Variants in SNX19 observed in about 807,000 individuals in gnomAD.
SNX19 encodes sorting nexin-19.
A neutral mutation model predicts 85.2 loss-of-function variants in SNX19; 60 were observed. The ratio of observed to expected loss-of-function variants is 0.70; its 90% confidence interval spans 0.57 to 0.87. The LOEUF is 0.87. Among genes scored for constraint, SNX19 ranks in the 40% least tolerant of loss-of-function variants. The pLI, the probability that SNX19 is intolerant of heterozygous loss-of-function variation, is 0.00. For missense variants in SNX19, 1,201 were observed against 1,217.8 expected, an observed-to-expected ratio of 0.99 and a Z score of 0.21; for synonymous variants, 520 against 470.0, an observed-to-expected ratio of 1.11 and a Z score of -1.38.
chr11:130,902,643 T>C (rs1171715921), intron 8 of SNX19, among the ~76,000 whole-genome samples: 1 of 152,198 alleles, frequency 6.6e-6, no homozygotes, highest in Non-Finnish European at 1.5e-5. Context: ...AGTTCCATAG[T>C]TAGAAAGTCA....
Position 130,878,490 on chromosome 11 carries a change from C to T in SNX19, c.2911G>A (p.Glu971Lys), listed in dbSNP as rs1229429245. 1 of 1,613,788 alleles carries T rather than the reference C, an allele frequency of 6.2e-7. No homozygotes were observed. The highest frequency in any genetic ancestry group is 8.5e-7 in the Non-Finnish European group (1 of 1,179,920). ...GAGGCAGAGGTGGTAGCAGCAGACT[C>T]CTCAACAGAGGCACTGAGATCCAAG... is the stretch of plus-strand genomic sequence containing the variant. ...EFLDLSASVEESAATTSASDT... is the reference protein window; with the variant it reads ...EFLDLSASVEKSAATTSASDT... Residue 971 changes from glutamate to lysine, a missense_variant, in exon 11 of 11, where the codon GAG becomes AAG. Around this residue, in one of 3 missense-constraint regions of SNX19, gnomAD observed 285 missense variants for 295.3 expected, o/e 0.97. Coordinates refer to ENST00000265909, the MANE Select transcript of SNX19 (RefSeq NM_014758.3).
Position 130,867,090 on chromosome 11 carries a change from C to G in SNX19, c.*11332G>C, listed in dbSNP as rs537937435. On this transcript the variant is annotated 3_prime_UTR_variant, in exon 11 of 11. Coordinates refer to ENST00000265909, the MANE Select transcript of SNX19 (RefSeq NM_014758.3). ...CTGCCTGGTTGGTTGTCGGCATAAC[C>G]CATGTTCTTAATCCCCGTGCTGCTG... 1.3e-5 allele frequency: 2 copies of G among 152,326 alleles called. No homozygotes were observed. The highest frequency in any genetic ancestry group is 4.8e-5 in the African/African-American group (2 of 41,558). 9.4% of individuals were successfully genotyped at this position (152,326 alleles called of 1,614,324 possible).
intron 10 of SNX19, among the ~76,000 whole-genome samples, chr11:130,879,420 C>T (rs531687628): frequency 5.3e-5 from 8 of 151,162 alleles, no homozygotes; most frequent in South Asian, 2.1e-4. Flanking sequence ...TAGCACATGA[C>T]GACCTGCTCA....
chr11:130,913,251 G>A (rs1332992100), intron 1 of SNX19, among the ~76,000 whole-genome samples: 2 of 152,138 alleles, frequency 1.3e-5, no homozygotes, highest in Non-Finnish European at 2.9e-5. Flanking sequence ...TGGCATAGGG[G>A]CATCCAGAAT....
At chr11:130,895,247 GAA>G (rs1407359946) in intron 8 of SNX19, 5 of 985,206 alleles carry the variant, frequency 5.1e-6, no homozygotes, top group Non-Finnish European at 6.0e-6. Flanking sequence ...CTGGGAATCA[GAA>G]TTCCCCAATT....
chr11:130,908,069 G>A lies in SNX19; in HGVS notation c.2049C>T (p.Ala683=). The change falls in exon 5 of 11, where the codon GCC becomes GCT. Residue 683 remains alanine (A), a synonymous_variant. Transcript: ENST00000265909. ...VSRIDKMVVS[A]IVDTLKTAFP... The stretch of plus-strand genomic sequence containing the variant: ...ACGCTGTCTTCAAGGTGTCCACAAT[G>A]GCACTCACCACCATCTGCAGGGGTC... 2 of 1,614,060 alleles carry A rather than the reference G, an allele frequency of 1.2e-6. No homozygotes were observed. Among genetic ancestry groups the A allele is most frequent in the Non-Finnish European group, 1.7e-6 (2 of 1,180,012 alleles).
At chr11:130,893,969 A>C in intron 8 of SNX19, 1 of 593,038 alleles carries the variant, frequency 1.7e-6, no homozygotes, top group South Asian at 2.0e-5. Context: ...ATCAAAAGTA[A>C]GCAATAACAT....
chr11:130,872,670 C>A lies in SNX19; in HGVS notation c.*5752G>T, dbSNP rs1943075044. 6.6e-6 allele frequency among the ~76,000 whole-genome samples: 1 copy of A among 152,148 alleles called. No homozygotes were observed. The highest frequency in any genetic ancestry group is 2.1e-4 in the South Asian group (1 of 4,830). The stretch of plus-strand genomic sequence containing the variant: ...TCTACAAAGGCAGGGTGAGCGACTG[C>A]TGCCCTGTGATTTCTGGCACTCCCA... On this transcript the variant is annotated 3_prime_UTR_variant, in exon 11 of 11. Transcript: ENST00000265909.
intron 8 of SNX19, among the ~76,000 whole-genome samples, chr11:130,884,861 G>T (rs1471722112): frequency 8.4e-6 from 1 of 118,656 alleles, no homozygotes; most frequent in African/African-American, 3.3e-5. Context: ...GACAGAGGGA[G>T]ACTCCATCTC....
In SNX19 at chr11:130,870,928, C is replaced by T. The variant is rs1195776311; in HGVS notation, c.*7494G>A. Among the ~76,000 whole-genome samples the T allele has an allele frequency of 6.6e-6, 1 of 152,042 alleles. No individual in the cohort carries two copies. Among genetic ancestry groups the T allele is most frequent in the Non-Finnish European group, 1.5e-5 (1 of 68,024 alleles). ...TTACTGAGGACTTCATATACATGCA[C>T]ATTGACTAGAGAGGCAGTGTAAATA... On this transcript the variant is annotated 3_prime_UTR_variant, in exon 11 of 11. Transcript: ENST00000265909.
chr11:130,880,540 G>A lies in SNX19; in HGVS notation c.2758+82C>T, dbSNP rs1943582083. ...CACATTCAGGGCCCTTTTACAAACA[G>A]GAAAAGGTGCAGGGGTAATGGTGGC... is the stretch of plus-strand genomic sequence containing the variant. On this transcript the variant is annotated intron_variant, in intron 9 of 10. Transcript: ENST00000265909. 2.3e-6 allele frequency: 3 copies of A among 1,298,764 alleles called. 1 individual carries two copies. The highest frequency in any genetic ancestry group is 4.4e-5 in the Admixed American group (2 of 45,860). 80.5% of individuals were successfully genotyped at this position (1,298,764 alleles called of 1,614,324 possible). A position where few individuals can be genotyped will look rare whatever the true frequency, so the allele number is the denominator to read the frequency against.
intron 8 of SNX19, among the ~76,000 whole-genome samples, chr11:130,895,996 A>G (rs1379883334): frequency 6.6e-6 from 1 of 152,252 alleles, no homozygotes; most frequent in African/African-American, 2.4e-5. Context: ...TGGGACAAGC[A>G]GTACTCCTTC....
chr11:130,907,897 T>A, intron 5 of SNX19, 56 bp downstream of exon 5: 1 of 1,603,014 alleles, frequency 6.2e-7, no homozygotes, highest in Non-Finnish European at 8.5e-7. Context: ...TGGCTGAGGA[T>A]TGGGGATCAA....
At position 130,878,321 on chromosome 11, in the gene SNX19, T is replaced by G. The variant is rs1429554359; in HGVS notation, c.*101A>C. 11 of 1,372,622 alleles carry G rather than the reference T, an allele frequency of 8.0e-6. No individual in the cohort carries two copies. The Admixed American group carries it at 2.2e-4, about 28-fold the overall frequency. 85.0% of individuals were successfully genotyped at this position (1,372,622 alleles called of 1,614,324 possible). ...TGAGCCACCGAGAACCTAGGCCTTC[T>G]TAGCTGTAGCCTACTTGAAGAGGGC... is the stretch of plus-strand genomic sequence containing the variant. On this transcript the variant is annotated 3_prime_UTR_variant, in exon 11 of 11. Transcript: ENST00000265909.
Position 130,903,310 on chromosome 11 carries a change from A to G in SNX19, c.2518T>C (p.Cys840Arg), listed in dbSNP as rs751473637. ...LLLTEQWKWL[C>R]TENMQKFLRL... ...AGAAACTTTTGCATGTTTTCGGTACATAGCCATTTCCACTGTTCTGTTAGT... is the reference window on the plus strand; with the variant it reads ...AGAAACTTTTGCATGTTTTCGGTACGTAGCCATTTCCACTGTTCTGTTAGT... The change falls in exon 8 of 11, where the codon TGT becomes CGT. Residue 840 changes from cysteine (C) to arginine (R), a missense_variant. Physicochemically the swap from Cys to Arg is radical, Grantham distance 180. This residue lies in a region of SNX19 where 285 missense variants were observed against 295.3 expected (regional missense o/e 0.97). Coordinates refer to ENST00000265909, the MANE Select transcript of SNX19 (RefSeq NM_014758.3). 9.3e-6 allele frequency: 15 copies of G among 1,613,870 alleles called. No individual in the cohort carries two copies. Among genetic ancestry groups the G allele is most frequent in the South Asian group, 8.8e-5 (8 of 91,086 alleles).
chr11:130,911,749 T>C lies in SNX19; in HGVS notation c.1697A>G (p.Glu566Gly), dbSNP rs1946147059. The change falls in exon 2 of 11, where the codon GAA becomes GGA. Residue 566 changes from glutamate to glycine, a missense_variant. Coordinates refer to ENST00000265909, the MANE Select transcript of SNX19 (RefSeq NM_014758.3). ...TVKYETALDG[E>G]NSSGLQQLAY... ...CAGCTGCTGCAGGCCGCTGCTGTTT[T>C]CACCGTCAAGGGCTGTCTCGTACTG... 7 of 1,614,204 alleles carry C rather than the reference T, an allele frequency of 4.3e-6. No homozygotes were observed. Among genetic ancestry groups the C allele is most frequent in the Non-Finnish European group, 5.9e-6 (7 of 1,180,038 alleles).
At chr11:130,911,550 A>T in intron 2 of SNX19, 83 bp downstream of exon 2, 1 of 1,589,690 alleles carries the variant, frequency 6.3e-7, no homozygotes. Context: ...CTCCTCCCCG[A>T]TCCCTCCCAT....
intron 2 of SNX19, among the ~76,000 whole-genome samples, chr11:130,911,187 T>TC (rs1262679422): frequency 7.7e-6 from 1 of 129,988 alleles, no homozygotes; most frequent in Non-Finnish European, 1.6e-5. Context: ...AGAGCGAGAC[T>TC]CCATGTCAAA....
In SNX19 at chr11:130,873,451, C is replaced by T. The variant is rs948969766; in HGVS notation, c.*4971G>A. ...TGTTCTGCTTTGTAAGGTAGAAGGGCAGTTTAGTATAGTGGATATACTACG... is the reference window on the plus strand; with the variant it reads ...TGTTCTGCTTTGTAAGGTAGAAGGGTAGTTTAGTATAGTGGATATACTACG... On this transcript the variant is annotated 3_prime_UTR_variant, in exon 11 of 11. Coordinates refer to ENST00000265909, the MANE Select transcript of SNX19 (RefSeq NM_014758.3). Among the ~76,000 whole-genome samples, 3 of 152,078 alleles carry T rather than the reference C, an allele frequency of 2.0e-5. No homozygotes were observed. Among genetic ancestry groups the T allele is most frequent in the African/African-American group, 7.2e-5 (3 of 41,412 alleles).
Sources: gnomAD v4.1 joint callset for allele counts (sites outside exome capture counted in the v4.1 genomes callset) on GRCh38, gnomAD v4.1.1 for gene constraint, gnomAD v4.1.1 regional missense constraint, MANE v1.5 for transcripts, NCBI Gene and HGNC (gene_info 2026-07-23, HGNC 2026-07-21) for gene names.